LRRTM4: variants seen among roughly 807,000 people sequenced by gnomAD.
The protein encoded by LRRTM4 is leucine-rich repeat transmembrane neuronal protein 4.
In LRRTM4, 25 loss-of-function variants were observed where a neutral mutation model predicts 47.6. That is an observed-to-expected ratio of 0.53 (90% CI 0.38 to 0.73). The LOEUF (loss-of-function observed/expected upper bound fraction) is 0.73, where lower values mean the gene tolerates loss of function less well. Ranked by LOEUF, LRRTM4 falls within the 30% of genes least tolerant of loss-of-function variation. The pLI is 0.00. For synonymous variants in LRRTM4, 311 were observed against 269.5 expected (o/e 1.15, Z -1.51); for missense variants, 638 against 713.4 (o/e 0.89, Z 1.20).
At chr2:77,242,350 T>A (rs1400031937) in intron 3 of LRRTM4, among the ~76,000 whole-genome samples, 1 of 152,104 alleles carries the variant, frequency 6.6e-6, no homozygotes, top group Non-Finnish European at 1.5e-5. Context: ...CTCCTGTGCA[T>A]CAAGGGACAC....
chr2:76,843,578 T>C (rs1671750674), intron 3 of LRRTM4, among the ~76,000 whole-genome samples: 1 of 152,216 alleles, frequency 6.6e-6, no homozygotes, highest in Admixed American at 6.5e-5. Flanking sequence ...AAATTATTTT[T>C]GTACATCTGG....
chr2:77,165,660 C>A (rs1415270870), intron 3 of LRRTM4, among the ~76,000 whole-genome samples: 1 of 152,096 alleles, frequency 6.6e-6, no homozygotes, highest in Non-Finnish European at 1.5e-5. Flanking sequence ...TGAACATATG[C>A]AAATCAATAA....
intron 3 of LRRTM4, among the ~76,000 whole-genome samples, chr2:77,254,427 G>T (rs1488055661): frequency 6.6e-6 from 1 of 151,846 alleles, no homozygotes; most frequent in African/African-American, 2.4e-5. Context: ...TAAAAGAACA[G>T]ATTTAGGGCA....
At position 77,357,259 on chromosome 2, in the gene LRRTM4, A is replaced by T. The variant is rs376385251; in HGVS notation, c.1551+161059T>A. 4.7e-4 allele frequency among the ~76,000 whole-genome samples: 72 copies of T among 152,292 alleles called. 1 individual carries two copies. The South Asian group carries it at 0.014, about 31-fold the overall frequency. ...GAAGAAAAACAAACAAAATGAAACC[A>T]AAAATAAGAATAACGTCTTACAAAA... On this transcript the variant is annotated intron_variant, in intron 3 of 3. Transcript: ENST00000409884.
At chr2:76,840,419 G>C (rs1671637841) in intron 3 of LRRTM4, among the ~76,000 whole-genome samples, 1 of 152,142 alleles carries the variant, frequency 6.6e-6, no homozygotes, top group African/African-American at 2.4e-5. Flanking sequence ...CATGCCTCTT[G>C]GCACCCAACA....
intron 3 of LRRTM4, among the ~76,000 whole-genome samples, chr2:77,200,154 A>G (rs1673935333): frequency 6.6e-6 from 1 of 152,064 alleles, no homozygotes; most frequent in Non-Finnish European, 1.5e-5. Context: ...TTCTTTTATT[A>G]GGCATCTCTT....
intron 3 of LRRTM4, among the ~76,000 whole-genome samples, chr2:76,904,106 G>A (rs1417031958): frequency 3.3e-5 from 5 of 152,166 alleles, no homozygotes; most frequent in Non-Finnish European, 7.3e-5. Flanking sequence ...TGAAATGGAG[G>A]AGAGAAGTTA....
At chr2:76,860,269 G>A (rs992488832) in intron 3 of LRRTM4, among the ~76,000 whole-genome samples, 9 of 152,088 alleles carry the variant, frequency 5.9e-5, no homozygotes, top group Admixed American at 5.9e-4. Context: ...GCTAGCTCTT[G>A]GAAGATATTT....
At chr2:76,990,869 C>A (rs1676980328) in intron 3 of LRRTM4, among the ~76,000 whole-genome samples, 1 of 151,584 alleles carries the variant, frequency 6.6e-6, no homozygotes, top group African/African-American at 2.4e-5. Flanking sequence ...GCACCTGAAG[C>A]ATACTGTAAG....
At chr2:76,852,286 C>T (rs1517775) in intron 3 of LRRTM4, among the ~76,000 whole-genome samples, 20,847 of 152,136 alleles carry the variant, frequency 0.14, 1,821 homozygotes, top group Admixed American at 0.2. Context: ...TATCATTCAG[C>T]TTACACTCCC....
intron 3 of LRRTM4, among the ~76,000 whole-genome samples, chr2:76,950,866 G>A (rs150656178): frequency 1.6e-4 from 24 of 152,072 alleles, no homozygotes; most frequent in Middle Eastern, 3.4e-3. Flanking sequence ...TAGAGTTTCC[G>A]AGATGTCAGA....
At chr2:76,806,962 G>C (rs1244200660) in intron 3 of LRRTM4, among the ~76,000 whole-genome samples, 1 of 152,050 alleles carries the variant, frequency 6.6e-6, no homozygotes, top group Non-Finnish European at 1.5e-5. Flanking sequence ...GGCAGACAGA[G>C]AAATATCAAT....
chr2:77,099,532 A>T (rs1670896890), intron 3 of LRRTM4, among the ~76,000 whole-genome samples: 1 of 152,056 alleles, frequency 6.6e-6, no homozygotes, highest in South Asian at 2.1e-4. Context: ...ACATTCAGAA[A>T]AAAGAGAATG....
intron 3 of LRRTM4, among the ~76,000 whole-genome samples, chr2:77,069,115 G>T (rs1680061715): frequency 6.6e-6 from 1 of 151,968 alleles, no homozygotes; most frequent in South Asian, 2.1e-4. Context: ...ATCTCTATTC[G>T]AGGCTTTCAA....
At chr2:77,149,183 A>C (rs2103780685) in intron 3 of LRRTM4, among the ~76,000 whole-genome samples, 1 of 152,274 alleles carries the variant, frequency 6.6e-6, no homozygotes, top group South Asian at 2.1e-4. Flanking sequence ...AAAACAAAAC[A>C]ATACCACTGG....
rs1553434339 is a variant in LRRTM4, at chr2:77,362,170, A to AAAGGAAGGAAGGAAGGAAGGAAGG, written c.1551+156147_1551+156148insCCTTCCTTCCTTCCTTCCTTCCTT. 1.0e-4 allele frequency among the ~76,000 whole-genome samples: 14 copies of AAAGGAAGGAAGGAAGGAAGGAAGG among 133,620 alleles called. 1 individual carries two copies. The highest frequency in any genetic ancestry group is 3.9e-4 in the African/African-American group (12 of 30,556). The allele number at this position is 133,620 out of a possible 152,430, so 87.7% of individuals were successfully genotyped here. A position where few individuals can be genotyped will look rare whatever the true frequency, so the allele number is the denominator to read the frequency against. On this transcript the variant is annotated intron_variant, in intron 3 of 3. Transcript: ENST00000409884. ...GAAAGAAAGAAAGAAAGAAAGAAAGAAAGGAAGGAAGGAAGAGTTCTTAAT... is the reference window on the plus strand; with the variant it reads ...GAAAGAAAGAAAGAAAGAAAGAAAGAAAGGAAGGAAGGAAGGAAGGAAGGAAGGAAGGAAGGAAGAGTTCTTAAT...
chr2:77,410,060 T>A (rs1674359094), intron 3 of LRRTM4, among the ~76,000 whole-genome samples: 1 of 152,218 alleles, frequency 6.6e-6, no homozygotes, highest in Admixed American at 6.5e-5. Context: ...ATATATATAA[T>A]GATGTCAATA....
intron 3 of LRRTM4, among the ~76,000 whole-genome samples, chr2:76,852,515 T>C (rs1351421630): frequency 6.6e-6 from 1 of 152,202 alleles, no homozygotes; most frequent in Non-Finnish European, 1.5e-5. Flanking sequence ...ATTTTGTCTG[T>C]ACAACCCTTG....
intron 3 of LRRTM4, among the ~76,000 whole-genome samples, chr2:77,078,930 G>A (rs1680437396): frequency 6.6e-6 from 1 of 152,130 alleles, no homozygotes; most frequent in Non-Finnish European, 1.5e-5. Flanking sequence ...TCTCTCCCTG[G>A]CTCATGGGTG....
Sources: gnomAD v4.1 joint callset for allele counts (sites outside exome capture counted in the v4.1 genomes callset) on GRCh38, gnomAD v4.1.1 for gene constraint, MANE v1.5 for transcripts, NCBI Gene and HGNC (gene_info 2026-07-23, HGNC 2026-07-21) for gene names.